Variants in GLDC observed in about 807,000 individuals in gnomAD.
The protein encoded by GLDC is glycine dehydrogenase (decarboxylating), mitochondrial.
GLDC carries 104 observed loss-of-function variants against 121.3 expected under a neutral mutation model. That is an observed-to-expected ratio of 0.86 (90% CI 0.73 to 1.01). The LOEUF (loss-of-function observed/expected upper bound fraction) is 1.01, where lower values mean the gene tolerates loss of function less well. Among genes scored for constraint, GLDC ranks in the 50% least tolerant of loss-of-function variants. GLDC has a pLI of 0.00. For missense variants in GLDC, 1,429 were observed against 1,306.6 expected, an observed-to-expected ratio of 1.09 and a Z score of -1.44; for synonymous variants, 546 against 480.6, an observed-to-expected ratio of 1.14 and a Z score of -1.78.
intron 21 of GLDC, chr9:6,541,145 T>C (rs1013026190): frequency 1.3e-5 from 2 of 152,188 alleles, no homozygotes; most frequent in Non-Finnish European, 2.9e-5. Flanking sequence ...AGATTAGGGA[T>C]ATTCGACCTG....
intron 15 of GLDC, among the ~76,000 whole-genome samples, chr9:6,569,981 C>T (rs762290755): frequency 2.6e-5 from 4 of 152,132 alleles, no homozygotes; most frequent in East Asian, 3.9e-4. Flanking sequence ...GGCTCATGGC[C>T]GGGGGGATTA....
intron 24 of GLDC, among the ~76,000 whole-genome samples, chr9:6,534,416 G>A (rs148291521): frequency 1.1e-3 from 169 of 150,258 alleles, no homozygotes; most frequent in African/African-American, 4.1e-3. Context: ...AGGTTGCACT[G>A]GGCGCCATCT....
intron 22 of GLDC, 47 bp from the exon 23 acceptor site, chr9:6,536,283 T>C (rs764417358): frequency 1.3e-6 from 2 of 1,524,148 alleles, no homozygotes; most frequent in Non-Finnish European, 1.8e-6. Context: ...GTCAGTGGCC[T>C]ACCCAGTTTG....
At chr9:6,566,580 G>A (rs939205058) in intron 15 of GLDC, 1 of 152,180 alleles carries the variant, frequency 6.6e-6, no homozygotes, top group Non-Finnish European at 1.5e-5. Flanking sequence ...GTCCTGGAAG[G>A]CACCACTTTC....
At chr9:6,591,152 A>G (rs905809748) in intron 11 of GLDC, among the ~76,000 whole-genome samples, 7 of 152,224 alleles carry the variant, frequency 4.6e-5, no homozygotes, top group African/African-American at 1.4e-4. Context: ...CTACTTCATT[A>G]TTTTAGAAAG....
Position 6,557,237 on chromosome 9 carries a change from C to T in GLDC, c.2053-935G>A, listed in dbSNP as rs77862939. 3.9e-5 allele frequency among the ~76,000 whole-genome samples: 6 copies of T among 152,070 alleles called. No individual in the cohort carries two copies. In the East Asian group the frequency reaches 1.2e-3, roughly 29 times the overall value. ...TGATTACCCTGATCTGATCTCTATACATTTGATGTATAGAAACATCACTAT... is the reference window on the plus strand; with the variant it reads ...TGATTACCCTGATCTGATCTCTATATATTTGATGTATAGAAACATCACTAT... On this transcript the variant is annotated intron_variant, in intron 17 of 24. Coordinates refer to ENST00000321612, the MANE Select transcript of GLDC (RefSeq NM_000170.3).
chr9:6,540,020 G>GC (rs1189391115), intron 22 of GLDC, 31 bp downstream of exon 22: 1 of 1,355,932 alleles, frequency 7.4e-7, no homozygotes, highest in Admixed American at 1.7e-5. Flanking sequence ...AGCCAGCATG[G>GC]GCGGCGGCAT....
intron 2 of GLDC, among the ~76,000 whole-genome samples, chr9:6,642,089 C>G (rs1245110528): frequency 6.6e-6 from 1 of 152,168 alleles, no homozygotes; most frequent in Non-Finnish European, 1.5e-5. Context: ...CCCAACACCC[C>G]CAGCTCACTA....
chr9:6,624,281 G>C (rs1819186385), intron 2 of GLDC, among the ~76,000 whole-genome samples: 1 of 152,056 alleles, frequency 6.6e-6, no homozygotes, highest in Non-Finnish European at 1.5e-5. Flanking sequence ...TTGAAAATAG[G>C]GTCTCCACTG....
chr9:6,544,247 T>G (rs889086542), intron 21 of GLDC, among the ~76,000 whole-genome samples: 2 of 151,994 alleles, frequency 1.3e-5, no homozygotes, highest in African/African-American at 4.8e-5. Context: ...TCCCCGAGAA[T>G]GAGGTCAGGT....
intron 15 of GLDC, among the ~76,000 whole-genome samples, chr9:6,569,705 T>C (rs971275351): frequency 2.7e-5 from 4 of 150,608 alleles, no homozygotes; most frequent in Non-Finnish European, 5.9e-5. Context: ...CAGTGCCTCA[T>C]GCCTGCATGC....
Position 6,532,467 on chromosome 9 carries a change from T to C in GLDC, c.*550A>G, listed in dbSNP as rs900773890. ...AAAGTACACCAAGAGAAAGGCATTC[T>C]TCCGATCAAGATGCTTTTATTAGAA... On this transcript the variant is annotated 3_prime_UTR_variant, in exon 25 of 25. Coordinates refer to ENST00000321612, the MANE Select transcript of GLDC (RefSeq NM_000170.3). The C allele has an allele frequency of 6.4e-6, 1 of 157,066 alleles. No homozygotes were observed. The highest frequency in any genetic ancestry group is 6.2e-5 in the Admixed American group (1 of 16,234). The allele number at this position is 157,066 out of a possible 1,614,324, so 9.7% of individuals were successfully genotyped here.
intron 15 of GLDC, chr9:6,567,198 C>T (rs371684919): frequency 2.0e-5 from 3 of 152,278 alleles, no homozygotes; most frequent in East Asian, 3.9e-4. Flanking sequence ...TCACCCCGTT[C>T]CTCGTCACCC....
At chr9:6,601,232 C>A (rs1818603961) in intron 8 of GLDC, among the ~76,000 whole-genome samples, 1 of 152,100 alleles carries the variant, frequency 6.6e-6, no homozygotes, top group Admixed American at 6.6e-5. Flanking sequence ...TCATGACTAC[C>A]ACCATCCCCT....
At chr9:6,604,481 G>T in intron 7 of GLDC, 107 bp downstream of exon 7, 1 of 1,011,512 alleles carries the variant, frequency 9.9e-7, no homozygotes, top group Non-Finnish European at 1.6e-6. Flanking sequence ...TTCCTTAACT[G>T]ACTCAACATG....
At chr9:6,603,576 CTT>C (rs1487207649) in intron 7 of GLDC, among the ~76,000 whole-genome samples, 3 of 151,986 alleles carry the variant, frequency 2.0e-5, no homozygotes, top group African/African-American at 4.8e-5. Context: ...AAAAAACACA[CTT>C]CACATTATCA....
At chr9:6,632,269 T>G (rs1317680553) in intron 2 of GLDC, among the ~76,000 whole-genome samples, 1 of 152,214 alleles carries the variant, frequency 6.6e-6, no homozygotes, top group Non-Finnish European at 1.5e-5. Flanking sequence ...TGTTCTCACA[T>G]TTGGTTCAAC....
intron 16 of GLDC, among the ~76,000 whole-genome samples, 176 bp from the exon 17 acceptor site, chr9:6,558,860 T>C (rs992709796): frequency 1.3e-5 from 2 of 152,252 alleles, no homozygotes; most frequent in African/African-American, 2.4e-5. Flanking sequence ...TGCAAAGCAA[T>C]GTCCAAAAAA....
At chr9:6,545,472 G>A (rs1271422330) in intron 21 of GLDC, among the ~76,000 whole-genome samples, 1 of 152,160 alleles carries the variant, frequency 6.6e-6, no homozygotes, top group South Asian at 2.1e-4. Context: ...AATGGAGCTT[G>A]CAGGGCTGAA....
Sources: gnomAD v4.1 joint callset for allele counts (sites outside exome capture counted in the v4.1 genomes callset) on GRCh38, gnomAD v4.1.1 for gene constraint, MANE v1.5 for transcripts, NCBI Gene and HGNC (gene_info 2026-07-23, HGNC 2026-07-21) for gene names.